The following DPP10 variants were observed in gnomAD, a reference collection of about 807,000 sequenced individuals.
DPP10 encodes the protein dipeptidyl peptidase like 10.
In DPP10, 33 loss-of-function variants were observed where a neutral mutation model predicts 120.9. The ratio of observed to expected loss-of-function variants is 0.27; its 90% CI spans 0.21 to 0.37. The LOEUF is 0.37. DPP10 is among the 10% of genes least tolerant of loss of function. The pLI is 1.00. For synonymous variants in DPP10, 337 were observed against 326.1 expected, an observed-to-expected ratio of 1.03 and a Z score of -0.36; for missense variants, 816 against 942.8, an observed-to-expected ratio of 0.87 and a Z score of 1.76.
chr2:114,501,264 G>T (rs1044190643), intron 1 of DPP10, among the ~76,000 whole-genome samples: 9 of 152,200 alleles, frequency 5.9e-5, no homozygotes, highest in African/African-American at 2.2e-4. Context: ...ACTTCAGAGG[G>T]TTATTGTGGA....
Position 114,620,528 on chromosome 2 carries a change from A to T in DPP10, c.60+177690A>T, listed in dbSNP as rs117983668. Among the ~76,000 whole-genome samples, 90 of 152,186 alleles carry T rather than the reference A, an allele frequency of 5.9e-4. 1 individual carries two copies. The East Asian group carries it at 0.016, about 27-fold the overall frequency. ...TATTTAATTAAAAGTAAAAAAACCTATTATAGAGTATTATAAAAACCCTGT... is the reference window on the plus strand; with the variant it reads ...TATTTAATTAAAAGTAAAAAAACCTTTTATAGAGTATTATAAAAACCCTGT... On this transcript the variant is annotated intron_variant, in intron 1 of 25. Coordinates refer to ENST00000410059, the MANE Select transcript of DPP10 (RefSeq NM_020868.6).
At chr2:115,236,205 T>C (rs943539484) in intron 1 of DPP10, among the ~76,000 whole-genome samples, 1 of 152,224 alleles carries the variant, frequency 6.6e-6, no homozygotes, top group African/African-American at 2.4e-5. Context: ...TTAGAGGTAT[T>C]ATTACTAAGT....
intron 1 of DPP10, among the ~76,000 whole-genome samples, chr2:114,482,159 C>G (rs908235082): frequency 1.3e-5 from 2 of 152,042 alleles, no homozygotes; most frequent in Non-Finnish European, 2.9e-5. Flanking sequence ...GGTGAGAACA[C>G]AGAACCAAAC....
rs541466517 is a variant in DPP10, at chr2:115,256,845, T to A, written c.61-52394T>A. On this transcript the variant is annotated intron_variant, in intron 1 of 25. Coordinates refer to ENST00000410059, the MANE Select transcript of DPP10 (RefSeq NM_020868.6). The stretch of plus-strand genomic sequence containing the variant: ...TTAACATCAATTATTTGCTCCTGCA[T>A]CTGAATGAAGGCTGCTTGTTAGAAG... Among the ~76,000 whole-genome samples, 27 of 152,328 alleles carry A rather than the reference T, an allele frequency of 1.8e-4. No homozygotes were observed. In the East Asian group the frequency reaches 5.0e-3, roughly 28 times the overall value.
intron 1 of DPP10, among the ~76,000 whole-genome samples, chr2:114,776,608 G>A (rs1159710079): frequency 6.6e-6 from 1 of 151,980 alleles, no homozygotes; most frequent in Non-Finnish European, 1.5e-5. Context: ...AACATTTTTT[G>A]AGCCATTTGT....
intron 3 of DPP10, among the ~76,000 whole-genome samples, chr2:115,404,643 G>T (rs1047500416): frequency 2.0e-5 from 3 of 152,004 alleles, no homozygotes; most frequent in Non-Finnish European, 2.9e-5. Flanking sequence ...AAAAAAAGAC[G>T]TTTATTTTGG....
chr2:115,507,020 A>ACACGCACG (rs2076980039), intron 4 of DPP10, among the ~76,000 whole-genome samples: 1 of 138,840 alleles, frequency 7.2e-6, no homozygotes, highest in African/African-American at 2.9e-5. Flanking sequence ...GCTGCATTAC[A>ACACGCACG]CACACACGCA....
rs532395653 is a variant in DPP10 at position 114,734,811 on chromosome 2, G to A, written c.60+291973G>A. 2.8e-4 allele frequency among the ~76,000 whole-genome samples: 43 copies of A among 152,262 alleles called. No individual in the cohort carries two copies. The South Asian group carries it at 7.7e-3, about 27-fold the overall frequency. On this transcript the variant is annotated intron_variant, in intron 1 of 25. Transcript: ENST00000410059. ...AGTCTTTGTGGCATGGTTCAAGTAT[G>A]AGTTTGCTAGAACTGCCATAGAAAA...
At chr2:114,613,043 A>G (rs534724701) in intron 1 of DPP10, among the ~76,000 whole-genome samples, 9 of 152,288 alleles carry the variant, frequency 5.9e-5, no homozygotes, top group African/African-American at 1.9e-4. Context: ...AATGAAAATG[A>G]GGCAGATGAT....
intron 1 of DPP10, among the ~76,000 whole-genome samples, chr2:115,135,390 T>C (rs1343595121): frequency 1.3e-5 from 2 of 152,044 alleles, no homozygotes; most frequent in Non-Finnish European, 2.9e-5. Context: ...ATATAGAGAA[T>C]ATATTAATTA....
intron 5 of DPP10, among the ~76,000 whole-genome samples, chr2:115,678,252 C>A (rs1241625792): frequency 1.3e-5 from 2 of 152,244 alleles, no homozygotes; most frequent in African/African-American, 4.8e-5. Context: ...TTCACGGCAT[C>A]CCCGCCTGTC....
At chr2:114,473,419 C>T (rs1014442551) in intron 1 of DPP10, among the ~76,000 whole-genome samples, 4 of 152,162 alleles carry the variant, frequency 2.6e-5, no homozygotes, top group East Asian at 1.9e-4. Context: ...CAGTTATTTA[C>T]CATAGTTATA....
chr2:115,270,361 A>C (rs758787292), intron 1 of DPP10, among the ~76,000 whole-genome samples: 18 of 152,050 alleles, frequency 1.2e-4, no homozygotes, highest in Non-Finnish European at 2.4e-4. Flanking sequence ...GCAAGGTTGC[A>C]GGGGCAATGT....
At chr2:114,693,330 C>G (rs1179097560) in intron 1 of DPP10, among the ~76,000 whole-genome samples, 1 of 151,902 alleles carries the variant, frequency 6.6e-6, no homozygotes, top group Non-Finnish European at 1.5e-5. Context: ...TTCTCTTTCA[C>G]TTATGAAGCT....
chr2:115,681,237 A>T (rs948372306), intron 5 of DPP10, among the ~76,000 whole-genome samples: 3 of 151,904 alleles, frequency 2.0e-5, no homozygotes, highest in African/African-American at 7.2e-5. Flanking sequence ...CAAAATATGT[A>T]ATAAAAATAA....
At chr2:115,664,524 A>G (rs1412621477) in intron 5 of DPP10, among the ~76,000 whole-genome samples, 2 of 143,866 alleles carry the variant, frequency 1.4e-5, no homozygotes, top group Non-Finnish European at 3.0e-5. Flanking sequence ...CTATATTGAG[A>G]AAAAAAAAAC....
chr2:114,632,159 CTTA>C (rs1353663448), intron 1 of DPP10, among the ~76,000 whole-genome samples: 4 of 151,946 alleles, frequency 2.6e-5, no homozygotes, highest in Non-Finnish European at 4.4e-5. Flanking sequence ...GGAATGCTTT[CTTA>C]TTATGTCATA....
chr2:114,675,053 G>A (rs1166214749), intron 1 of DPP10, among the ~76,000 whole-genome samples: 6 of 152,112 alleles, frequency 3.9e-5, no homozygotes, highest in South Asian at 4.1e-4. Flanking sequence ...CTTGCAGTAT[G>A]CCAGCAGTTT....
chr2:115,120,492 T>C (rs2104733191), intron 1 of DPP10, among the ~76,000 whole-genome samples: 1 of 152,256 alleles, frequency 6.6e-6, no homozygotes, highest in East Asian at 1.9e-4. Context: ...AGGGTAGAGA[T>C]GTCAAAACAC....
Sources: gnomAD v4.1 joint callset for allele counts (sites outside exome capture counted in the v4.1 genomes callset) on GRCh38, gnomAD v4.1.1 for gene constraint, MANE v1.5 for transcripts, NCBI Gene and HGNC (gene_info 2026-07-23, HGNC 2026-07-21) for gene names.